The following ARHGAP15 variants were observed in gnomAD, a reference collection of about 807,000 sequenced individuals.
ARHGAP15 encodes rho GTPase-activating protein 15.
In ARHGAP15, 51 loss-of-function variants were observed where a neutral mutation model predicts 63.7. That is an observed-to-expected ratio of 0.80 (90% CI 0.64 to 1.01). The LOEUF is 1.01. ARHGAP15 is among the 50% of genes least tolerant of loss of function. ARHGAP15 has a pLI of 0.00. For missense variants in ARHGAP15, 560 were observed against 564.6 expected, an observed-to-expected ratio of 0.99 and a Z score of 0.08; for synonymous variants, 191 against 193.8, an observed-to-expected ratio of 0.99 and a Z score of 0.12.
At chr2:143,253,347 G>C (rs929819376) in intron 6 of ARHGAP15, among the ~76,000 whole-genome samples, 1 of 151,986 alleles carries the variant, frequency 6.6e-6, no homozygotes, top group African/African-American at 2.4e-5. Flanking sequence ...GCACACATTT[G>C]TGACAACCAA....
chr2:143,355,465 A>AT (rs1193778965), intron 6 of ARHGAP15, among the ~76,000 whole-genome samples: 1 of 152,204 alleles, frequency 6.6e-6, no homozygotes, highest in Admixed American at 6.6e-5. Context: ...TATAGACAGT[A>AT]TACAGGTCAT....
In ARHGAP15 at chr2:143,165,758, C is replaced by A. The variant is rs1051817642; in HGVS notation, c.165+10103C>A. 3.9e-5 allele frequency among the ~76,000 whole-genome samples: 6 copies of A among 152,014 alleles called. No individual in the cohort carries two copies. The South Asian group carries it at 1.0e-3, about 26-fold the overall frequency. ...GGCTGATACTTGATAATACATCACA[C>A]ACTGTGGTCTTACCTATTGATTACA... On this transcript the variant is annotated intron_variant, in intron 2 of 13. Transcript: ENST00000295095.
Position 143,282,817 on chromosome 2 carries a change from A to G in ARHGAP15, c.474+32217A>G, listed in dbSNP as rs147626082. 3.9e-5 allele frequency among the ~76,000 whole-genome samples: 6 copies of G among 152,248 alleles called. No homozygotes were observed. In the East Asian group the frequency reaches 9.7e-4, roughly 25 times the overall value. ...TGTACTCTTCTCACACTGGCATGCT[A>G]TTTAGAAGGTTAGCCCTTTTCTGGT... On this transcript the variant is annotated intron_variant, in intron 6 of 13. Coordinates refer to ENST00000295095, the MANE Select transcript of ARHGAP15 (RefSeq NM_018460.4).
At chr2:143,223,904 G>C (rs758980011) in intron 4 of ARHGAP15, among the ~76,000 whole-genome samples, 40 of 152,128 alleles carry the variant, frequency 2.6e-4, no homozygotes, top group Non-Finnish European at 4.6e-4. Flanking sequence ...TGTAATATGG[G>C]AGTATCCTAG....
chr2:143,364,612 A>G (rs1232202383), intron 6 of ARHGAP15, among the ~76,000 whole-genome samples: 1 of 152,252 alleles, frequency 6.6e-6, no homozygotes, highest in Non-Finnish European at 1.5e-5. Flanking sequence ...AGTAGGGTTC[A>G]TGTATTGGAA....
At chr2:143,757,977 CAT>C (rs796928546) in intron 13 of ARHGAP15, among the ~76,000 whole-genome samples, 41 of 152,002 alleles carry the variant, frequency 2.7e-4, no homozygotes, top group African/African-American at 9.4e-4. Flanking sequence ...ACTCTTAAGA[CAT>C]AAAGAAACTT....
chr2:143,572,859 C>A (rs1362078250), intron 11 of ARHGAP15, among the ~76,000 whole-genome samples: 1 of 151,762 alleles, frequency 6.6e-6, no homozygotes, highest in East Asian at 1.9e-4. Flanking sequence ...AACATACAAC[C>A]AAAACACAAA....
intron 13 of ARHGAP15, among the ~76,000 whole-genome samples, chr2:143,713,177 T>TAG (rs1684661209): frequency 6.6e-6 from 1 of 152,180 alleles, no homozygotes; most frequent in South Asian, 2.1e-4. Flanking sequence ...TAATTGGACT[T>TAG]ACAGTTCCAC....
At position 143,614,695 on chromosome 2, in the gene ARHGAP15, C is replaced by A. The variant is rs181611301; in HGVS notation, c.1004-9438C>A. ...TATAAAGAAAAATAAAAACAAATTT[C>A]TTTGAGACAGAGATAGAGGAGAGAC... On this transcript the variant is annotated intron_variant, in intron 11 of 13. Coordinates refer to ENST00000295095, the MANE Select transcript of ARHGAP15 (RefSeq NM_018460.4). Among the ~76,000 whole-genome samples, 3 of 152,246 alleles carry A rather than the reference C, an allele frequency of 2.0e-5. No homozygotes were observed. The East Asian group carries it at 5.8e-4, about 29-fold the overall frequency.
chr2:143,743,301 T>C (rs1686030538), intron 13 of ARHGAP15, among the ~76,000 whole-genome samples: 1 of 152,108 alleles, frequency 6.6e-6, no homozygotes, highest in Admixed American at 6.5e-5. Context: ...ATAATGCACT[T>C]CAGTAGAACA....
chr2:143,364,880 C>T (rs1297728105), intron 6 of ARHGAP15, among the ~76,000 whole-genome samples: 1 of 152,164 alleles, frequency 6.6e-6, no homozygotes, highest in Non-Finnish European at 1.5e-5. Context: ...GTAGCAGGTG[C>T]CTGTAATCCC....
chr2:143,574,941 T>C (rs1311859889), intron 11 of ARHGAP15, among the ~76,000 whole-genome samples: 1 of 152,188 alleles, frequency 6.6e-6, no homozygotes, highest in African/African-American at 2.4e-5. Flanking sequence ...AGTTTGGCTA[T>C]GCCTCTAAAT....
chr2:143,540,996 G>T (rs567798575), intron 10 of ARHGAP15, among the ~76,000 whole-genome samples: 1 of 152,054 alleles, frequency 6.6e-6, no homozygotes, highest in African/African-American at 2.4e-5. Context: ...CCATTTTCCC[G>T]CTCACTTTCA....
intron 6 of ARHGAP15, among the ~76,000 whole-genome samples, chr2:143,323,953 A>G (rs540725130): frequency 8.1e-5 from 12 of 148,594 alleles, no homozygotes; most frequent in Non-Finnish European, 1.6e-4. Context: ...CGGGCCATGT[A>G]TCAGTGAATT....
Position 143,263,907 on chromosome 2 carries a change from C to CTTTT in ARHGAP15, c.474+13340_474+13343dup, listed in dbSNP as rs373296096. On this transcript the variant is annotated intron_variant, in intron 6 of 13. Transcript: ENST00000295095. ...GGTGGGTCTACGGTGAAGCTGCAGT[C>CTTTT]TTTTTTTTTTTTTTTTTTTTTTTTT... Among the ~76,000 whole-genome samples the CTTTT allele has an allele frequency of 4.7e-4, 18 of 38,450 alleles. 3 individuals carry two copies. Among genetic ancestry groups the CTTTT allele is most frequent in the East Asian group, 1.5e-3 (1 of 688 alleles). The allele number at this position is 38,450 out of a possible 152,430, so 25.2% of individuals were successfully genotyped here. A position where few individuals can be genotyped will look rare whatever the true frequency, so the allele number is the denominator to read the frequency against.
chr2:143,163,541 A>T (rs1690381836), intron 2 of ARHGAP15, among the ~76,000 whole-genome samples: 1 of 151,978 alleles, frequency 6.6e-6, no homozygotes, highest in African/African-American at 2.4e-5. Context: ...TGAAATATCA[A>T]GATTGCCTCA....
chr2:143,282,903 G>A (rs1207114917), intron 6 of ARHGAP15, among the ~76,000 whole-genome samples: 2 of 152,070 alleles, frequency 1.3e-5, no homozygotes, highest in Admixed American at 6.6e-5. Flanking sequence ...CTCCCTTGGC[G>A]TTACGCTGTA....
At chr2:143,390,306 A>G (rs541106758) in intron 6 of ARHGAP15, among the ~76,000 whole-genome samples, 1 of 152,246 alleles carries the variant, frequency 6.6e-6, no homozygotes, top group East Asian at 1.9e-4. Context: ...TTATTTTATG[A>G]AATAATACCT....
intron 2 of ARHGAP15, among the ~76,000 whole-genome samples, chr2:143,158,290 T>C (rs1455338600): frequency 6.6e-6 from 1 of 151,916 alleles, no homozygotes. Context: ...AAAATTCTCC[T>C]GTATATGTCG....
Sources: gnomAD v4.1 joint callset for allele counts (sites outside exome capture counted in the v4.1 genomes callset) on GRCh38, gnomAD v4.1.1 for gene constraint, MANE v1.5 for transcripts, NCBI Gene and HGNC (gene_info 2026-07-23, HGNC 2026-07-21) for gene names.